Variants in AFAP1 observed in about 807,000 individuals in gnomAD.
AFAP1 encodes the protein actin filament associated protein 1.
AFAP1 carries 75 observed loss-of-function variants against 93.9 expected under a neutral mutation model. The ratio of observed to expected loss-of-function variants is 0.80; its 90% CI spans 0.66 to 0.97. The LOEUF is 0.97. Ranked by LOEUF, AFAP1 falls within the 50% of genes least tolerant of loss-of-function variation. The pLI is 0.00. For synonymous variants in AFAP1, 517 were observed against 430.7 expected (o/e 1.20, Z -2.48); for missense variants, 1,201 against 1,050.8 (o/e 1.14, Z -1.98).
At chr4:7,809,259 G>A (rs998661873) in intron 9 of AFAP1, among the ~76,000 whole-genome samples, 1 of 151,382 alleles carries the variant, frequency 6.6e-6, no homozygotes, top group Non-Finnish European at 1.5e-5. Context: ...GAAAGAACTG[G>A]CCTTAGTTCT....
At position 7,778,846 on chromosome 4, in the gene AFAP1, T is replaced by G. The variant is rs1025704551; in HGVS notation, c.1813A>C (p.Asn605His). The G allele has an allele frequency of 1.2e-6, 2 of 1,614,042 alleles. No individual in the cohort carries two copies. The highest frequency in any genetic ancestry group is 1.7e-6 in the Non-Finnish European group (2 of 1,179,934). ...GTCTTCCCTTTTCCTGTGACCCCAT[T>G]AGACGCCACGGGGGGCTTTTTACCC... ...LKGKKPPVAS[N>H]GVTGKGKTLS... The change falls in exon 14 of 18, where the codon AAT (asparagine) becomes CAT (histidine). Residue 605 changes from asparagine to histidine, a missense_variant. Transcript: ENST00000420658.
At chr4:7,809,566 A>G in intron 9 of AFAP1, 48 bp downstream of exon 9, 2 of 1,570,308 alleles carry the variant, frequency 1.3e-6, no homozygotes, top group Non-Finnish European at 1.7e-6. Flanking sequence ...GGAGAAAATG[A>G]AACCCACTTA....
chr4:7,925,729 C>T (rs924802025), intron 1 of AFAP1, among the ~76,000 whole-genome samples: 1 of 152,100 alleles, frequency 6.6e-6, no homozygotes. Context: ...CCTGTAATCC[C>T]AGCTACTTGG....
intron 1 of AFAP1, among the ~76,000 whole-genome samples, chr4:7,926,475 C>T (rs1484190386): frequency 2.6e-5 from 4 of 152,294 alleles, no homozygotes; most frequent in Non-Finnish European, 4.4e-5. Context: ...TTCCCAGGGA[C>T]GGACAAATGC....
In AFAP1 at chr4:7,774,808, G is replaced by C; in HGVS notation, c.1993C>G (p.Leu665Val). Reference sequence around the variant, plus strand: ...CGGAGCTGGGCCAGCCTATTCCGCAGGGCCTCTTTCCTCTTCAGCAGCTCC... The same window carrying C: ...CGGAGCTGGGCCAGCCTATTCCGCACGGCCTCTTTCCTCTTCAGCAGCTCC... Reference protein sequence around the residue: ...EEELLKRKEALRNRLAQLRKE... With the variant: ...EEELLKRKEAVRNRLAQLRKE... The change falls in exon 15 of 18, where the codon CTG becomes GTG. Residue 665 changes from leucine (L) to valine (V), a missense_variant. Leu to Val is a conservative substitution (Grantham distance 32, BLOSUM62 1). Transcript: ENST00000420658. 6.2e-7 allele frequency: 1 copy of C among 1,614,190 alleles called. No homozygotes were observed. Among genetic ancestry groups the C allele is most frequent in the Non-Finnish European group, 8.5e-7 (1 of 1,180,036 alleles).
At chr4:7,793,908 T>C (rs1718137361) in intron 10 of AFAP1, 82 bp from the exon 11 acceptor site, 5 of 1,355,696 alleles carry the variant, frequency 3.7e-6, no homozygotes, top group Non-Finnish European at 1.9e-6. Flanking sequence ...AGAGACCACA[T>C]AATAGGAAAG....
Position 7,899,926 on chromosome 4 carries a change from G to T in AFAP1, c.-2-27846C>A, listed in dbSNP as rs115452989. ...AATCCATCAGGTCTGAATGAGAAGT[G>T]TATCAGTGACTAACACCTCATATGG... is the stretch of plus-strand genomic sequence containing the variant. On this transcript the variant is annotated intron_variant, in intron 1 of 17. Transcript: ENST00000420658. Among the ~76,000 whole-genome samples the T allele has an allele frequency of 5.9e-3, 881 of 148,416 alleles. 6 individuals carry two copies. Among genetic ancestry groups the T allele is most frequent in the African/African-American group, 0.019 (775 of 41,142 alleles).
intron 17 of AFAP1, among the ~76,000 whole-genome samples, chr4:7,764,755 G>A (rs541932009): frequency 4.6e-5 from 7 of 152,128 alleles, no homozygotes; most frequent in East Asian, 3.9e-4. Context: ...CACTGGGTGC[G>A]GCTATGTCTG....
At chr4:7,808,015 T>A (rs1719679154) in intron 9 of AFAP1, among the ~76,000 whole-genome samples, 1 of 152,148 alleles carries the variant, frequency 6.6e-6, no homozygotes, top group Admixed American at 6.5e-5. Context: ...CTAAATGAGG[T>A]ATCTTTTGGC....
intron 7 of AFAP1, 83 bp from the exon 8 acceptor site, chr4:7,816,182 C>T (rs1033736567): frequency 5.8e-6 from 7 of 1,204,434 alleles, no homozygotes; most frequent in Non-Finnish European, 8.2e-6. Context: ...AAAGTTATCT[C>T]AAAAGTGAAA....
chr4:7,864,955 G>A (rs922306301), intron 3 of AFAP1, among the ~76,000 whole-genome samples: 1 of 152,012 alleles, frequency 6.6e-6, no homozygotes, highest in Non-Finnish European at 1.5e-5. Flanking sequence ...TCCAGCCTGG[G>A]CAACAAAGTA....
At chr4:7,826,337 C>A (rs111629573) in intron 6 of AFAP1, among the ~76,000 whole-genome samples, 69 of 152,324 alleles carry the variant, frequency 4.5e-4, no homozygotes, top group African/African-American at 1.5e-3. Flanking sequence ...GAGGCACAGC[C>A]CTTCTCCCAG....
chr4:7,936,728 T>C (rs1001763342), intron 1 of AFAP1, among the ~76,000 whole-genome samples: 3 of 152,128 alleles, frequency 2.0e-5, no homozygotes, highest in African/African-American at 2.4e-5. Flanking sequence ...ACAACAGGCA[T>C]GTGCCACCAC....
intron 3 of AFAP1, among the ~76,000 whole-genome samples, chr4:7,861,045 G>A (rs1438245656): frequency 6.6e-5 from 10 of 152,148 alleles, no homozygotes; most frequent in Non-Finnish European, 1.5e-5. Flanking sequence ...TAAATGACGA[G>A]AGCTGATCTT....
chr4:7,868,518 G>T, intron 3 of AFAP1, 104 bp downstream of exon 3: 1 of 948,740 alleles, frequency 1.1e-6, no homozygotes, highest in Non-Finnish European at 1.5e-6. Flanking sequence ...AGACAAATAA[G>T]GGCTCCATTC....
At chr4:7,912,708 T>A (rs1180234582) in intron 1 of AFAP1, among the ~76,000 whole-genome samples, 1 of 152,224 alleles carries the variant, frequency 6.6e-6, no homozygotes, top group Non-Finnish European at 1.5e-5. Context: ...TTGCAATTAG[T>A]TTCTCCCAGT....
At chr4:7,772,036 G>A (rs1315243162) in intron 16 of AFAP1, among the ~76,000 whole-genome samples, 1 of 152,210 alleles carries the variant, frequency 6.6e-6, no homozygotes, top group Non-Finnish European at 1.5e-5. Context: ...GCAGCGGTGG[G>A]TTCAACCAGG....
chr4:7,834,092 T>TAC (rs142790415), intron 6 of AFAP1, among the ~76,000 whole-genome samples: 17,857 of 126,572 alleles, frequency 0.14, 1,273 homozygotes, highest in South Asian at 0.2. Context: ...AACTGTGGCA[T>TAC]ACACACACAC....
chr4:7,787,590 G>C (rs1168956669), intron 11 of AFAP1, among the ~76,000 whole-genome samples: 1 of 152,158 alleles, frequency 6.6e-6, no homozygotes, highest in Non-Finnish European at 1.5e-5. Context: ...CACCCAGCTG[G>C]TGCCCACAGA....
Sources: allele counts gnomAD v4.1 joint callset (sites outside exome capture counted in the v4.1 genomes callset), GRCh38; gene constraint gnomAD v4.1.1; transcripts MANE v1.5; gene names NCBI Gene and HGNC (gene_info 2026-07-23, HGNC 2026-07-21).